Variants in RTTN observed in about 807,000 individuals in gnomAD.
The protein encoded by RTTN is rotatin.
A neutral mutation model predicts 269.2 loss-of-function variants in RTTN; 182 were observed. The ratio of observed to expected loss-of-function variants is 0.68; its 90% CI spans 0.60 to 0.76. RTTN has a LOEUF of 0.76. Among genes scored for constraint, RTTN ranks in the 30% least tolerant of loss-of-function variants. The pLI, the probability that RTTN is intolerant of heterozygous loss-of-function variation, is 0.00. For synonymous variants in RTTN, 1,006 were observed against 963.5 expected, an observed-to-expected ratio of 1.04 and a Z score of -0.82; for missense variants, 2,545 against 2,608.6, an observed-to-expected ratio of 0.98 and a Z score of 0.53.
chr18:70,200,328 A>G (rs1247127152), intron 4 of RTTN, among the ~76,000 whole-genome samples: 2 of 152,252 alleles, frequency 1.3e-5, no homozygotes, highest in Non-Finnish European at 2.9e-5. Flanking sequence ...CTTACACCAC[A>G]CAGTAAAAAT....
chr18:70,093,001 A>G (rs1242203438), intron 28 of RTTN, among the ~76,000 whole-genome samples, 197 bp from the exon 29 acceptor site: 1 of 152,224 alleles, frequency 6.6e-6, no homozygotes, highest in Non-Finnish European at 1.5e-5. Flanking sequence ...AAAAGAAAAT[A>G]TTCTTCAGCC....
intron 9 of RTTN, among the ~76,000 whole-genome samples, chr18:70,188,596 A>G (rs986276368): frequency 2.0e-5 from 3 of 152,258 alleles, no homozygotes; most frequent in African/African-American, 7.2e-5. Flanking sequence ...AATAATTTCT[A>G]CTTAGTACTA....
chr18:70,168,725 T>C, intron 12 of RTTN, 130 bp downstream of exon 12: 9 of 658,698 alleles, frequency 1.4e-5, no homozygotes, highest in East Asian at 5.3e-5. Context: ...TTATGTATAA[T>C]TGACCCACTC....
At chr18:70,127,430 A>C (rs1242960313) in intron 25 of RTTN, 72 bp downstream of exon 25, 2 of 1,531,504 alleles carry the variant, frequency 1.3e-6, no homozygotes, top group African/African-American at 2.8e-5. Flanking sequence ...TCTTATCTTC[A>C]AAGGTTAGGA....
Position 70,168,851 on chromosome 18 carries a change from T to C in RTTN, c.1689+4A>G. 2 of 1,594,140 alleles carry C rather than the reference T, an allele frequency of 1.3e-6. No individual in the cohort carries two copies. The highest frequency in any genetic ancestry group is 1.4e-5 in the African/African-American group (1 of 74,038). On this transcript the variant is annotated splice_donor_region_variant and intron_variant, in intron 12 of 48. Coordinates refer to ENST00000640769, the MANE Select transcript of RTTN (RefSeq NM_173630.4). ...TTAAAAGAGATATTAAAAAAGCTTTTTACCTCTTTCCCAATATCAGACAGG... is the reference window on the plus strand; with the variant it reads ...TTAAAAGAGATATTAAAAAAGCTTTCTACCTCTTTCCCAATATCAGACAGG...
At chr18:70,081,943 C>T (rs1248307927) in intron 32 of RTTN, among the ~76,000 whole-genome samples, 2 of 151,812 alleles carry the variant, frequency 1.3e-5, no homozygotes, top group Non-Finnish European at 2.9e-5. Flanking sequence ...TACAACTCTC[C>T]AATAGTTTAG....
chr18:70,204,556 C>T (rs1334017847), intron 2 of RTTN, among the ~76,000 whole-genome samples: 2 of 152,162 alleles, frequency 1.3e-5, no homozygotes, highest in African/African-American at 4.8e-5. Flanking sequence ...TTTCCACTGA[C>T]ACTCACCTTA....
At chr18:70,205,035 C>G (rs891056404) in intron 2 of RTTN, 93 bp downstream of exon 2, 1 of 1,303,932 alleles carries the variant, frequency 7.7e-7, no homozygotes, top group Non-Finnish European at 1.1e-6. Flanking sequence ...AACTTTTAAC[C>G]CCAATTATTT....
chr18:70,113,726 T>C (rs947202065), intron 27 of RTTN, among the ~76,000 whole-genome samples: 1 of 152,132 alleles, frequency 6.6e-6, no homozygotes, highest in African/African-American at 2.4e-5. Flanking sequence ...AAAGAAGTAG[T>C]GATATTTGCT....
At chr18:70,188,325 A>G (rs1411153052) in intron 9 of RTTN, 102 bp from the exon 10 acceptor site, 3 of 658,796 alleles carry the variant, frequency 4.6e-6, no homozygotes, top group Non-Finnish European at 8.1e-6. Context: ...GTCATGCTCC[A>G]ACATTTTCTC....
chr18:70,097,942 G>A (rs557078439), intron 28 of RTTN, among the ~76,000 whole-genome samples: 164 of 152,236 alleles, frequency 1.1e-3, no homozygotes, highest in African/African-American at 2.9e-3. Flanking sequence ...TTTAGTTACC[G>A]CTGTGGCAGG....
At chr18:70,032,976 T>C (rs2057061286) in intron 40 of RTTN, among the ~76,000 whole-genome samples, 2 of 152,204 alleles carry the variant, frequency 1.3e-5, no homozygotes, top group South Asian at 2.1e-4. Flanking sequence ...TGTACTGATA[T>C]GGTTTGGATC....
At chr18:70,059,324 A>C (rs909793941) in intron 36 of RTTN, among the ~76,000 whole-genome samples, 5 of 152,248 alleles carry the variant, frequency 3.3e-5, no homozygotes, top group Non-Finnish European at 7.3e-5. Flanking sequence ...TATGTTACAG[A>C]CTGATTAATA....
At chr18:70,009,693 T>A (rs1270954234) in intron 46 of RTTN, among the ~76,000 whole-genome samples, 3 of 152,122 alleles carry the variant, frequency 2.0e-5, no homozygotes, top group Non-Finnish European at 2.9e-5. Context: ...AACAACCAGC[T>A]AGCATCATAA....
intron 6 of RTTN, among the ~76,000 whole-genome samples, chr18:70,197,040 T>C (rs529391998): frequency 6.6e-6 from 1 of 152,296 alleles, no homozygotes; most frequent in South Asian, 2.1e-4. Flanking sequence ...TTAACAGCTT[T>C]CCTCTGCGAT....
chr18:70,198,259 T>C (rs56297703), intron 5 of RTTN, among the ~76,000 whole-genome samples: 12,141 of 152,134 alleles, frequency 0.08, 659 homozygotes, highest in Middle Eastern at 0.28. Flanking sequence ...AGTTGTTCAC[T>C]CCCCACCCCA....
intron 40 of RTTN, among the ~76,000 whole-genome samples, chr18:70,033,037 C>A (rs2057063206): frequency 6.6e-6 from 1 of 152,244 alleles, no homozygotes; most frequent in Admixed American, 6.5e-5. Context: ...ATGTTGGGAA[C>A]TGGATCATTG....
chr18:70,195,404 C>A (rs1427948083), intron 7 of RTTN, among the ~76,000 whole-genome samples: 1 of 152,234 alleles, frequency 6.6e-6, no homozygotes, highest in Non-Finnish European at 1.5e-5. Context: ...TTATCTCAAG[C>A]AAACTTGATT....
chr18:70,033,883 A>C (rs2057093359), intron 40 of RTTN, among the ~76,000 whole-genome samples: 1 of 92,916 alleles, frequency 1.1e-5, no homozygotes. Flanking sequence ...GACAAAGGGG[A>C]TATTACCACT....
Sources: allele counts gnomAD v4.1 joint callset (sites outside exome capture counted in the v4.1 genomes callset), GRCh38; gene constraint gnomAD v4.1.1; transcripts MANE v1.5; gene names NCBI Gene and HGNC (gene_info 2026-07-23, HGNC 2026-07-21).